The following SF3A3 variants were observed in gnomAD, a reference collection of about 807,000 sequenced individuals.
SF3A3 encodes splicing factor 3a subunit 3, also known as SAP 61.
SF3A3 carries 9 observed loss-of-function variants against 85.8 expected under a neutral mutation model. The observed-to-expected ratio is 0.10, with a 90% confidence interval of 0.06 to 0.18. The LOEUF (loss-of-function observed/expected upper bound fraction) is 0.18, where lower values mean the gene tolerates loss of function less well. Among genes scored for constraint, SF3A3 ranks in the 10% least tolerant of loss-of-function variants. The probability of loss-of-function intolerance (pLI) is 1.00; values close to 1 mark genes in which losing one functional copy is unlikely to be tolerated. For missense variants in SF3A3, 306 were observed against 593.3 expected (o/e 0.52, Z 5.03); for synonymous variants, 195 against 204.4 (o/e 0.95, Z 0.39).
intron 15 of SF3A3, among the ~76,000 whole-genome samples, chr1:37,962,146 C>A (rs959650211): frequency 1.3e-5 from 2 of 151,028 alleles, no homozygotes; most frequent in African/African-American, 2.4e-5. Flanking sequence ...AGTCTTCAAG[C>A]CCAGGTAATA....
chr1:37,978,915 G>A (rs1259997764), intron 10 of SF3A3, 73 bp downstream of exon 10: 10 of 1,549,688 alleles, frequency 6.5e-6, no homozygotes, highest in Non-Finnish European at 8.9e-6. Context: ...AAAAAAAATG[G>A]AATCAGAGCT....
intron 15 of SF3A3, among the ~76,000 whole-genome samples, chr1:37,961,359 C>T (rs529410234): frequency 2.0e-5 from 3 of 151,948 alleles, no homozygotes; most frequent in South Asian, 2.1e-4. Context: ...CTGAGGCAGG[C>T]GGAACACCTG....
rs751126626 is a variant in SF3A3, at chr1:37,984,125, T to G, written c.468+44A>C. 29 of 1,082,256 alleles carry G rather than the reference T, an allele frequency of 2.7e-5. No individual in the cohort carries two copies. In the South Asian group the frequency reaches 3.8e-4, roughly 14 times the overall value. The allele number at this position is 1,082,256 out of a possible 1,614,324, so 67.0% of individuals were successfully genotyped here. A position where few individuals can be genotyped will look rare whatever the true frequency, so the allele number is the denominator to read the frequency against. ...GCTAGTTCCAGCCTACTGTCCTGACTCACTTCGAGAATCAGAACCTCTCTG... is the reference window on the plus strand; with the variant it reads ...GCTAGTTCCAGCCTACTGTCCTGACGCACTTCGAGAATCAGAACCTCTCTG... On this transcript the variant is annotated intron_variant, in intron 6 of 16. Coordinates refer to ENST00000373019, the MANE Select transcript of SF3A3 (RefSeq NM_006802.4).
intron 2 of SF3A3, among the ~76,000 whole-genome samples, chr1:37,988,895 A>ATTTT (rs1200614023): frequency 2.9e-4 from 43 of 147,352 alleles, no homozygotes; most frequent in African/African-American, 1.1e-3. Context: ...ATATATATAT[A>ATTTT]TTTTTTTTTT....
intron 12 of SF3A3, 136 bp downstream of exon 12, chr1:37,976,737 GTACCCTGACCT>G (rs1646382123): frequency 1.6e-6 from 1 of 632,448 alleles, no homozygotes; most frequent in Non-Finnish European, 2.8e-6. Context: ...GAAGAGCCTT[GTACCCTGACCT>G]CTATTTTGTG....
In SF3A3 at chr1:37,960,110, T is replaced by C; in HGVS notation, c.1428+10A>G. 6.2e-7 allele frequency: 1 copy of C among 1,612,896 alleles called. No homozygotes were observed. Among genetic ancestry groups the C allele is most frequent in the Non-Finnish European group, 8.5e-7 (1 of 1,179,140 alleles). ...ACACTATCCCTAACACCATCCACAT[T>C]AGTACCCACCTCAGTGTCAGGCTGC... is the stretch of plus-strand genomic sequence containing the variant. On this transcript the variant is annotated intron_variant, in intron 16 of 16. Transcript: ENST00000373019.
intron 4 of SF3A3, among the ~76,000 whole-genome samples, chr1:37,987,264 A>T (rs373597751): frequency 8.5e-5 from 13 of 152,112 alleles, no homozygotes; most frequent in African/African-American, 2.2e-4. Context: ...TTTTTAGTAG[A>T]GGTTGAGTTT....
chr1:37,987,434 GCTAA>G, intron 4 of SF3A3, 135 bp downstream of exon 4: 3 of 667,010 alleles, frequency 4.5e-6, no homozygotes, highest in Non-Finnish European at 7.9e-6. Flanking sequence ...TAGGATGTCA[GCTAA>G]CTATGGTCCT....
chr1:37,981,615 G>T, intron 7 of SF3A3, 114 bp downstream of exon 7: 1 of 725,220 alleles, frequency 1.4e-6, no homozygotes, highest in East Asian at 2.7e-5. Context: ...AATAAACCTG[G>T]AAGTATGCCT....
chr1:37,986,680 C>T (rs1326199429), intron 4 of SF3A3, among the ~76,000 whole-genome samples: 2 of 151,804 alleles, frequency 1.3e-5, no homozygotes, highest in African/African-American at 4.8e-5. Context: ...GGCGTGGTGG[C>T]AGGCACCTGT....
chr1:37,961,807 C>A (rs534343488), intron 15 of SF3A3, among the ~76,000 whole-genome samples: 6 of 139,098 alleles, frequency 4.3e-5, no homozygotes, highest in Non-Finnish European at 7.7e-5. Context: ...AAAGGCCGGG[C>A]GCGGTGTCTC....
Position 37,980,706 on chromosome 1 carries a change from A to C in SF3A3, c.570T>G (p.Leu190=), listed in dbSNP as rs1215203968. The part of the protein sequence containing the change: ...AEYKRYLEML[L]EYLQDYTDRV... The stretch of plus-strand genomic sequence containing the variant: ...TATCTGTGTAATCCTGAAGGTACTC[A>C]AGCAGCATCTCTAGGTATCTACAGA... The change falls in exon 8 of 17, where the codon CTT becomes CTG. Residue 190 remains leucine, a synonymous_variant. Transcript: ENST00000373019. 3 of 1,613,784 alleles carry C rather than the reference A, an allele frequency of 1.9e-6. No homozygotes were observed. The highest frequency in any genetic ancestry group is 2.5e-6 in the Non-Finnish European group (3 of 1,179,796).
At chr1:37,979,342 G>C in intron 9 of SF3A3, 123 bp downstream of exon 9, 1 of 763,832 alleles carries the variant, frequency 1.3e-6, no homozygotes, top group East Asian at 2.6e-5. Context: ...TTTCTTTGTA[G>C]ATGCTTGATC....
At chr1:37,977,466 G>C (rs933844675) in intron 11 of SF3A3, among the ~76,000 whole-genome samples, 3 of 152,160 alleles carry the variant, frequency 2.0e-5, no homozygotes, top group Non-Finnish European at 4.4e-5. Context: ...ATTTTGGGAG[G>C]CTGAGGCTGG....
intron 12 of SF3A3, among the ~76,000 whole-genome samples, chr1:37,971,983 C>T (rs1002644192): frequency 6.6e-6 from 1 of 152,168 alleles, no homozygotes; most frequent in Admixed American, 6.5e-5. Flanking sequence ...TCCAATTCAA[C>T]ATAGTGTTGG....
At chr1:37,988,747 A>T (rs56246564) in intron 2 of SF3A3, among the ~76,000 whole-genome samples, 23 of 152,224 alleles carry the variant, frequency 1.5e-4, no homozygotes, top group African/African-American at 5.3e-4. Flanking sequence ...TTTAAATAGC[A>T]TCTTGTTTTT....
rs759938056 is a variant in SF3A3 at position 37,969,755 on chromosome 1, GA to G, written c.1006-21del. The G allele has an allele frequency of 6.2e-7, 1 of 1,605,890 alleles. No individual in the cohort carries two copies. Reference sequence around the variant, plus strand: ...CTGTTCCTAAAGCAGGTCCATAAATGAAAAGTCAGAAAAAAGTAGTGCAGAA... The same window carrying G: ...CTGTTCCTAAAGCAGGTCCATAAATGAAAGTCAGAAAAAAGTAGTGCAGAA... On this transcript the variant is annotated intron_variant, in intron 12 of 16. Coordinates refer to ENST00000373019, the MANE Select transcript of SF3A3 (RefSeq NM_006802.4).
At chr1:37,959,910 A>G (rs1646245231) in intron 16 of SF3A3, among the ~76,000 whole-genome samples, 1 of 149,774 alleles carries the variant, frequency 6.7e-6, no homozygotes, top group African/African-American at 2.5e-5. Context: ...GTGAGCTGAC[A>G]TTGCACCACT....
At chr1:37,986,414 T>A (rs1646457234) in intron 4 of SF3A3, among the ~76,000 whole-genome samples, 2 of 152,200 alleles carry the variant, frequency 1.3e-5, no homozygotes, top group African/African-American at 4.8e-5. Flanking sequence ...AACTCTCTTT[T>A]GCTTAACTTC....
Sources: allele counts gnomAD v4.1 joint callset (sites outside exome capture counted in the v4.1 genomes callset), GRCh38; gene constraint gnomAD v4.1.1; transcripts MANE v1.5; gene names NCBI Gene and HGNC (gene_info 2026-07-23, HGNC 2026-07-21).